Variants in TENM3 observed in about 807,000 individuals in gnomAD.
TENM3 encodes the protein teneurin-3.
In TENM3, 63 loss-of-function variants were observed where a neutral mutation model predicts 255.1. That is an observed-to-expected ratio of 0.25 (90% CI 0.20 to 0.30). TENM3 has a LOEUF of 0.30. Ranked by LOEUF, TENM3 falls within the 10% of genes least tolerant of loss-of-function variation. The probability of loss-of-function intolerance (pLI) is 1.00; values close to 1 mark genes in which losing one functional copy is unlikely to be tolerated. For synonymous variants in TENM3, 1,306 were observed against 1,322.3 expected (o/e 0.99, Z 0.27); for missense variants, 2,929 against 3,461.1 (o/e 0.85, Z 3.86).
chr4:181,833,896 C>A, the TENM3 span, among the ~76,000 whole-genome samples: 1 of 152,144 alleles, frequency 6.6e-6, no homozygotes, highest in Non-Finnish European at 1.5e-5. Flanking sequence ...TAACACAGCA[C>A]CTGGCACTTA....
At chr4:181,827,936 T>TA in the TENM3 span, among the ~76,000 whole-genome samples, 11 of 151,964 alleles carry the variant, frequency 7.2e-5, no homozygotes, top group East Asian at 7.7e-4. Context: ...ACCAATTCAT[T>TA]AAAAAAAATG....
intron 3 of TENM3, among the ~76,000 whole-genome samples, chr4:182,530,903 T>C (rs1475779322): frequency 1.3e-5 from 2 of 152,202 alleles, no homozygotes; most frequent in South Asian, 2.1e-4. Flanking sequence ...TAAAGGGGAC[T>C]GGGCAGGTGG....
intron 17 of TENM3, among the ~76,000 whole-genome samples, chr4:182,737,815 C>T (rs1173721398): frequency 6.6e-6 from 1 of 152,068 alleles, no homozygotes; most frequent in Non-Finnish European, 1.5e-5. Flanking sequence ...TGCCACTTCT[C>T]CTTTCATTTT....
the TENM3 span, among the ~76,000 whole-genome samples, chr4:181,766,374 G>A: frequency 1.3e-5 from 2 of 152,126 alleles, no homozygotes; most frequent in South Asian, 4.1e-4. Context: ...GTAGAGAATC[G>A]GGGAGTAGGG....
chr4:182,720,277 C>T (rs892455040), intron 13 of TENM3, among the ~76,000 whole-genome samples: 6 of 150,544 alleles, frequency 4.0e-5, no homozygotes, highest in Admixed American at 3.3e-4. Context: ...GAAGGTGGGA[C>T]TATTATGTTC....
the TENM3 span, among the ~76,000 whole-genome samples, chr4:181,605,171 C>T: frequency 5.3e-5 from 8 of 151,642 alleles, no homozygotes; most frequent in Non-Finnish European, 7.4e-5. Context: ...AACCAGCCGG[C>T]GTGGTGGCTC....
intron 26 of TENM3, among the ~76,000 whole-genome samples, chr4:182,796,291 G>A (rs764630155): frequency 3.3e-5 from 5 of 152,138 alleles, no homozygotes; most frequent in Middle Eastern, 3.2e-3. Context: ...AATAAATTTC[G>A]TTTCTTTTCT....
chr4:182,001,002 C>CT, the TENM3 span, among the ~76,000 whole-genome samples: 91,170 of 130,448 alleles, frequency 0.7, 32,263 homozygotes, highest in East Asian at 0.88. Context: ...GTTTTCTTTC[C>CT]TTTTTTTTTT....
At chr4:182,161,945 T>A (rs868744505) in intron 1 of TENM3, among the ~76,000 whole-genome samples, 4 of 16,480 alleles carry the variant, frequency 2.4e-4, no homozygotes, top group Admixed American at 1.0e-3. Context: ...ATATATATAT[T>A]TGTGTGTGTG....
chr4:181,488,464 G>A, the TENM3 span, among the ~76,000 whole-genome samples: 4 of 151,988 alleles, frequency 2.6e-5, no homozygotes, highest in South Asian at 2.1e-4. Flanking sequence ...GGAAAGATTC[G>A]TTTTTTGGTT....
Position 182,628,644 on chromosome 4 carries a change from T to G in TENM3, c.750-7T>G. On this transcript the variant is annotated splice_region_variant and splice_polypyrimidine_tract_variant and intron_variant, in intron 4 of 27. Coordinates refer to ENST00000511685, the MANE Select transcript of TENM3 (RefSeq NM_001080477.4). ...GTATCTTATAATGATATTCTCCTTT[T>G]CCACAGGCATTTCCTATTCAAAACA... 1 of 1,536,040 alleles carries G rather than the reference T, an allele frequency of 6.5e-7. No individual in the cohort carries two copies. Among genetic ancestry groups the G allele is most frequent in the Non-Finnish European group, 8.9e-7 (1 of 1,126,012 alleles).
the TENM3 span, among the ~76,000 whole-genome samples, chr4:181,729,141 T>C: frequency 6.6e-6 from 1 of 152,364 alleles, no homozygotes; most frequent in Non-Finnish European, 1.5e-5. Context: ...CATGCACAGA[T>C]ATAATTCTGT....
chr4:182,335,265 G>A (rs1764034302), intron 2 of TENM3, among the ~76,000 whole-genome samples: 1 of 141,658 alleles, frequency 7.1e-6, no homozygotes. Flanking sequence ...TTGGGAGGCT[G>A]AGGCGGGCGG....
the TENM3 span, chr4:181,523,104 T>C: frequency 2.1e-6 from 1 of 480,898 alleles, no homozygotes; most frequent in Non-Finnish European, 4.0e-6. Context: ...GGTCACTATT[T>C]TGTTAGTTTA....
the TENM3 span, among the ~76,000 whole-genome samples, chr4:182,048,466 T>C: frequency 2.0e-3 from 298 of 152,308 alleles, no homozygotes; most frequent in African/African-American, 6.9e-3. Flanking sequence ...ATTTATAACA[T>C]CTGAACAAGA....
At chr4:182,457,482 T>TA (rs140915604) in intron 3 of TENM3, among the ~76,000 whole-genome samples, 23,838 of 150,526 alleles carry the variant, frequency 0.16, 2,126 homozygotes, top group East Asian at 0.29. Flanking sequence ...ATATGGAAAC[T>TA]AAGTCATAGA....
the TENM3 span, among the ~76,000 whole-genome samples, chr4:181,833,603 C>G: frequency 6.6e-6 from 1 of 152,196 alleles, no homozygotes; most frequent in Non-Finnish European, 1.5e-5. Context: ...GACATTCAGT[C>G]ATGACAAATT....
chr4:181,944,098 T>C, the TENM3 span, among the ~76,000 whole-genome samples: 1 of 152,114 alleles, frequency 6.6e-6, no homozygotes, highest in African/African-American at 2.4e-5. Flanking sequence ...CTCCAGAGAA[T>C]AGAACCCAGT....
chr4:182,584,856 G>A (rs55764084), intron 3 of TENM3, among the ~76,000 whole-genome samples: 3 of 151,706 alleles, frequency 2.0e-5, no homozygotes, highest in East Asian at 1.9e-4. Context: ...TGTTCAGGCC[G>A]GTCTCGATCT....
Sources: gnomAD v4.1 joint callset for allele counts (sites outside exome capture counted in the v4.1 genomes callset) on GRCh38, gnomAD v4.1.1 for gene constraint, MANE v1.5 for transcripts, NCBI Gene and HGNC (gene_info 2026-07-23, HGNC 2026-07-21) for gene names.